Variants in MALRD1 observed in about 807,000 individuals in gnomAD.
MALRD1 encodes the protein MAM and LDL-receptor class A domain-containing protein 1.
MALRD1 carries 247 observed loss-of-function variants against 242.1 expected under a neutral mutation model. The observed-to-expected ratio is 1.02, with a 90% CI of 0.92 to 1.13. MALRD1 has a LOEUF of 1.13. MALRD1 is among the 50% of genes most tolerant of loss of function. The probability of loss-of-function intolerance (pLI) is 0.00; values close to 1 mark genes in which losing one functional copy is unlikely to be tolerated. For missense variants in MALRD1, 2,989 were observed against 2,533.1 expected (o/e 1.18, Z -3.86); for synonymous variants, 995 against 866.6 (o/e 1.15, Z -2.60).
intron 31 of MALRD1, among the ~76,000 whole-genome samples, chr10:19,499,378 T>G (rs1475186115): frequency 6.6e-6 from 1 of 151,720 alleles, no homozygotes; most frequent in Non-Finnish European, 1.5e-5. Flanking sequence ...TTTAAATTGA[T>G]GAACTTTGAG....
chr10:19,396,045 T>C (rs1046317682), intron 28 of MALRD1, among the ~76,000 whole-genome samples: 1 of 152,188 alleles, frequency 6.6e-6, no homozygotes, highest in African/African-American at 2.4e-5. Context: ...GTTGCCATTC[T>C]ATTTCTGTTT....
intron 24 of MALRD1, among the ~76,000 whole-genome samples, chr10:19,344,874 C>G (rs1457132301): frequency 3.3e-5 from 5 of 151,898 alleles, no homozygotes; most frequent in Non-Finnish European, 7.4e-5. Flanking sequence ...GATCAATGGA[C>G]AAATTATAGG....
chr10:19,192,231 G>A (rs1268502655), intron 14 of MALRD1, among the ~76,000 whole-genome samples: 3 of 152,114 alleles, frequency 2.0e-5, no homozygotes, highest in Non-Finnish European at 2.9e-5. Flanking sequence ...TCAGTTTTGC[G>A]AGATGAAAAG....
intron 38 of MALRD1, among the ~76,000 whole-genome samples, chr10:19,729,718 A>ATTTTTTT (rs1347221983): frequency 6.1e-5 from 6 of 98,974 alleles, no homozygotes; most frequent in Non-Finnish European, 1.2e-4. Flanking sequence ...AAGTCTATTA[A>ATTTTTTT]TTCTTTTTTT....
At chr10:19,400,413 T>A (rs945754562) in intron 28 of MALRD1, among the ~76,000 whole-genome samples, 4 of 152,190 alleles carry the variant, frequency 2.6e-5, no homozygotes, top group African/African-American at 9.7e-5. Context: ...CTATGCTGCA[T>A]GATGACTGAG....
intron 36 of MALRD1, among the ~76,000 whole-genome samples, chr10:19,651,905 C>T (rs1840910207): frequency 6.6e-6 from 1 of 152,118 alleles, no homozygotes; most frequent in Non-Finnish European, 1.5e-5. Flanking sequence ...CCCACAGAAA[C>T]ACTTGGAGGT....
In MALRD1 at chr10:19,111,210, C is replaced by T. The variant is rs140176294; in HGVS notation, c.694+7135C>T. 1.4e-4 allele frequency among the ~76,000 whole-genome samples: 21 copies of T among 152,186 alleles called. No individual in the cohort carries two copies. The East Asian group carries it at 3.5e-3, about 25-fold the overall frequency. On this transcript the variant is annotated intron_variant, in intron 5 of 39. Transcript: ENST00000454679. ...AGTATTTAAAAAGACTCTATAAAAT[C>T]ACTACAGAAGTACAAAAGCAATCAT... is the stretch of plus-strand genomic sequence containing the variant.
intron 33 of MALRD1, among the ~76,000 whole-genome samples, chr10:19,586,790 C>T (rs899552002): frequency 1.3e-5 from 2 of 152,238 alleles, no homozygotes; most frequent in African/African-American, 4.8e-5. Context: ...TTTACCTAAG[C>T]AAGCCTGGGC....
chr10:19,526,220 G>A (rs1327103320), intron 31 of MALRD1, among the ~76,000 whole-genome samples: 1 of 152,010 alleles, frequency 6.6e-6, no homozygotes, highest in Non-Finnish European at 1.5e-5. Flanking sequence ...GCTAGATAAA[G>A]AATGAGTCTA....
chr10:19,549,232 A>T (rs1216524295), intron 32 of MALRD1, among the ~76,000 whole-genome samples: 1 of 152,220 alleles, frequency 6.6e-6, no homozygotes, highest in Non-Finnish European at 1.5e-5. Context: ...CCACCTGCTT[A>T]ACATAAAAGT....
At chr10:19,503,625 T>C (rs1838072136) in intron 31 of MALRD1, among the ~76,000 whole-genome samples, 1 of 152,240 alleles carries the variant, frequency 6.6e-6, no homozygotes, top group Non-Finnish European at 1.5e-5. Context: ...TGTCTCTCTT[T>C]TTCCCTTCCT....
intron 32 of MALRD1, among the ~76,000 whole-genome samples, chr10:19,552,860 A>G (rs1835548294): frequency 6.6e-6 from 1 of 152,138 alleles, no homozygotes. Context: ...CCACATGTTC[A>G]AGCTATAGTC....
At position 19,356,422 on chromosome 10, in the gene MALRD1, C is replaced by T. The variant is rs189188614; in HGVS notation, c.4441+4125C>T. On this transcript the variant is annotated intron_variant, in intron 26 of 39. Transcript: ENST00000454679. ...TTCCAATAGAGTCACAATGTGTAAG[C>T]CACATATTTACTTTTACATTTTCTA... is the stretch of plus-strand genomic sequence containing the variant. Among the ~76,000 whole-genome samples the T allele has an allele frequency of 8.5e-5, 13 of 152,084 alleles. No homozygotes were observed. In the East Asian group the frequency reaches 2.3e-3, roughly 27 times the overall value.
At chr10:19,480,886 T>G (rs1836966511) in intron 29 of MALRD1, among the ~76,000 whole-genome samples, 1 of 152,154 alleles carries the variant, frequency 6.6e-6, no homozygotes, top group South Asian at 2.1e-4. Flanking sequence ...TGATTTGAAG[T>G]AGGCATAACC....
At chr10:19,451,102 G>A (rs3864828) in intron 29 of MALRD1, among the ~76,000 whole-genome samples, 33,940 of 152,040 alleles carry the variant, frequency 0.22, 4,482 homozygotes, top group South Asian at 0.36. Flanking sequence ...CGTACCATCC[G>A]CTTTCTAACA....
At chr10:19,284,820 T>C (rs1841027024) in intron 21 of MALRD1, among the ~76,000 whole-genome samples, 1 of 38,702 alleles carries the variant, frequency 2.6e-5, no homozygotes, top group Non-Finnish European at 4.3e-5. Flanking sequence ...CCCTGAGGAA[T>C]CGCCACACTG....
intron 22 of MALRD1, among the ~76,000 whole-genome samples, chr10:19,324,486 G>A (rs1843033402): frequency 6.6e-6 from 1 of 151,920 alleles, no homozygotes; most frequent in Non-Finnish European, 1.5e-5. Context: ...GCTACATTCT[G>A]TAATAGTCTT....
intron 21 of MALRD1, among the ~76,000 whole-genome samples, chr10:19,301,716 G>A (rs1841957375): frequency 1.3e-5 from 2 of 151,738 alleles, no homozygotes; most frequent in African/African-American, 2.4e-5. Context: ...CTTCTTGAGG[G>A]TGGAGGTGGG....
At chr10:19,537,931 AG>A in intron 32 of MALRD1, among the ~76,000 whole-genome samples, 1 of 152,358 alleles carries the variant, frequency 6.6e-6, no homozygotes, top group East Asian at 1.9e-4. Flanking sequence ...AGGGCAACAA[AG>A]ATGTGGCTTG....
Sources: allele counts gnomAD v4.1 joint callset (sites outside exome capture counted in the v4.1 genomes callset), GRCh38; gene constraint gnomAD v4.1.1; transcripts MANE v1.5; gene names NCBI Gene and HGNC (gene_info 2026-07-23, HGNC 2026-07-21).